Variants in LAMA3 observed in about 807,000 individuals in gnomAD.
LAMA3 encodes laminin subunit alpha 3.
A neutral mutation model predicts 402.0 loss-of-function variants in LAMA3; 281 were observed. The ratio of observed to expected loss-of-function variants is 0.70; its 90% CI spans 0.63 to 0.77. The LOEUF is 0.77. LAMA3 is among the 30% of genes least tolerant of loss of function. The probability of loss-of-function intolerance (pLI) is 0.00; values close to 1 mark genes in which losing one functional copy is unlikely to be tolerated. For missense variants in LAMA3, 3,840 were observed against 4,215.5 expected (o/e 0.91, Z 2.47); for synonymous variants, 1,431 against 1,558.4 (o/e 0.92, Z 1.93).
At chr18:23,697,077 G>A (rs2060698412) in intron 1 of LAMA3, among the ~76,000 whole-genome samples, 1 of 152,178 alleles carries the variant, frequency 6.6e-6, no homozygotes, top group Non-Finnish European at 1.5e-5. Context: ...TGTAAGCAGC[G>A]GTTCTCCATC....
At chr18:23,767,968 T>C (rs1212298077) in intron 8 of LAMA3, among the ~76,000 whole-genome samples, 1 of 152,154 alleles carries the variant, frequency 6.6e-6, no homozygotes, top group Non-Finnish European at 1.5e-5. Flanking sequence ...CCATATATTA[T>C]ACAATAATTA....
At chr18:23,838,648 C>T (rs997205963) in intron 25 of LAMA3, 133 bp from the exon 26 acceptor site, 1 of 696,260 alleles carries the variant, frequency 1.4e-6, no homozygotes, top group African/African-American at 1.8e-5. Flanking sequence ...ATATTTACTA[C>T]TTTAAAATAA....
At chr18:23,766,966 A>G (rs1305748682) in intron 8 of LAMA3, among the ~76,000 whole-genome samples, 1 of 152,232 alleles carries the variant, frequency 6.6e-6, no homozygotes, top group African/African-American at 2.4e-5. Flanking sequence ...CTATACTTAG[A>G]AAACCTAAGG....
chr18:23,811,625 G>A, intron 13 of LAMA3, among the ~76,000 whole-genome samples: 2 of 152,278 alleles, frequency 1.3e-5, no homozygotes, highest in South Asian at 4.1e-4. Flanking sequence ...AGATGGCAAT[G>A]TTTGTGTCCT....
intron 62 of LAMA3, among the ~76,000 whole-genome samples, chr18:23,927,293 C>T (rs189644031): frequency 3.0e-4 from 45 of 152,258 alleles, no homozygotes; most frequent in Admixed American, 1.8e-3. Context: ...CCTCAGCTCC[C>T]GGGTAGCTGG....
intron 12 of LAMA3, among the ~76,000 whole-genome samples, chr18:23,808,846 G>A (rs377119495): frequency 2.6e-5 from 4 of 152,176 alleles, no homozygotes; most frequent in East Asian, 1.9e-4. Context: ...GGCCCCATGC[G>A]CCAAGGCTTA....
chr18:23,761,803 T>C (rs1042055000), intron 7 of LAMA3, among the ~76,000 whole-genome samples: 3 of 152,260 alleles, frequency 2.0e-5, no homozygotes, highest in African/African-American at 7.2e-5. Flanking sequence ...CAAAAGTTTT[T>C]GAATTAATAC....
chr18:23,953,790 A>G (rs1184630728), intron 74 of LAMA3, among the ~76,000 whole-genome samples: 1 of 152,170 alleles, frequency 6.6e-6, no homozygotes, highest in South Asian at 2.1e-4. Context: ...GCTTTTGGGG[A>G]CCGGACTGGG....
intron 29 of LAMA3, 52 bp from the exon 30 acceptor site, chr18:23,844,957 A>C (rs1035251518): frequency 2.0e-6 from 2 of 999,678 alleles, no homozygotes; most frequent in Non-Finnish European, 3.2e-6. Flanking sequence ...AAGTAGCCTT[A>C]GGTCTGTGTC....
At chr18:23,891,774 T>C (rs2080675104) in intron 42 of LAMA3, among the ~76,000 whole-genome samples, 1 of 152,210 alleles carries the variant, frequency 6.6e-6, no homozygotes. Flanking sequence ...GGTTAGAGTG[T>C]GGTGTGGCCC....
chr18:23,797,351 G>A (rs1201520566), intron 12 of LAMA3, among the ~76,000 whole-genome samples: 1 of 152,078 alleles, frequency 6.6e-6, no homozygotes, highest in South Asian at 2.1e-4. Context: ...CCACAATGGT[G>A]TATCAGCTGA....
Position 23,916,645 on chromosome 18 carries a change from A to G in LAMA3, c.7873A>G (p.Thr2625Ala). The change falls in exon 60 of 75, where the codon ACA becomes GCA. Residue 2625 changes from threonine to alanine, a missense_variant. By Grantham distance (58) the Thr-to-Ala change is moderately conservative (BLOSUM62 0). Coordinates refer to ENST00000313654, the MANE Select transcript of LAMA3 (RefSeq NM_198129.4). ...TGCTCCCATCCCAACCTTTGGACAG[A>G]CAATTCAGACCACCGTGGATAGAGG... is the stretch of plus-strand genomic sequence containing the variant. Reference protein sequence around the residue: ...PHAPIPTFGQTIQTTVDRGLL... With the variant: ...PHAPIPTFGQAIQTTVDRGLL... 5 of 1,614,178 alleles carry G rather than the reference A, an allele frequency of 3.1e-6. No homozygotes were observed. Among genetic ancestry groups the G allele is most frequent in the Non-Finnish European group, 4.2e-6 (5 of 1,180,022 alleles).
chr18:23,858,948 C>A, intron 34 of LAMA3, 119 bp downstream of exon 34: 1 of 1,051,046 alleles, frequency 9.5e-7, no homozygotes, highest in Non-Finnish European at 1.5e-6. Flanking sequence ...CTGAATTCGT[C>A]AGTTGTTTGC....
chr18:23,803,868 C>T (rs905570806), intron 12 of LAMA3, among the ~76,000 whole-genome samples: 3 of 152,210 alleles, frequency 2.0e-5, no homozygotes, highest in African/African-American at 7.2e-5. Flanking sequence ...ACAAGGAACT[C>T]ACCATAATGC....
At chr18:23,916,960 T>A (rs2081650170) in intron 60 of LAMA3, among the ~76,000 whole-genome samples, 1 of 151,300 alleles carries the variant, frequency 6.6e-6, no homozygotes, top group Admixed American at 6.6e-5. Flanking sequence ...GTGCACAGAT[T>A]ATTTTATCAC....
chr18:23,713,983 A>G lies in LAMA3; in HGVS notation c.358A>G (p.Ile120Val). Residue 120 changes from isoleucine to valine, a missense_variant, in exon 2 of 75, where the codon ATC (isoleucine) becomes GTC (valine). Physicochemically the swap from Ile to Val is conservative, Grantham distance 29. Around this residue, in one of 3 missense-constraint regions of LAMA3, gnomAD observed 2,109 missense variants for 2,376.0 expected, o/e 0.89. Transcript: ENST00000313654. ...PRKAHPVTNA[I>V]DGSERWWQSP... The stretch of plus-strand genomic sequence containing the variant: ...GAAAGCACATCCTGTCACCAATGCC[A>G]TCGATGGATCTGAACGTTGGTGGCA... The G allele has an allele frequency of 6.2e-7, 1 of 1,613,804 alleles. No homozygotes were observed. Among genetic ancestry groups the G allele is most frequent in the Non-Finnish European group, 8.5e-7 (1 of 1,179,916 alleles).
chr18:23,809,885 T>C (rs2063034130), intron 12 of LAMA3, among the ~76,000 whole-genome samples: 1 of 152,032 alleles, frequency 6.6e-6, no homozygotes, highest in Admixed American at 6.5e-5. Context: ...GCACTTGATA[T>C]GGAATATCAA....
In LAMA3 at chr18:23,813,080, G is replaced by T; in HGVS notation, c.1765G>T (p.Ala589Ser). Residue 589 changes from alanine (A) to serine (S), a missense_variant, in exon 14 of 75, where the codon GCT becomes TCT. By Grantham distance (99) the Ala-to-Ser change is moderately conservative (BLOSUM62 1). Transcript: ENST00000313654. ...AGGTTCCAGCAGTGCTTGTGACCCA[G>T]CTGGTACCATCAACTCCAATTTGGT... ...CQGSSSACDP[A>S]GTINSNLGYC... 2 of 1,610,362 alleles carry T rather than the reference G, an allele frequency of 1.2e-6. No individual in the cohort carries two copies. The highest frequency in any genetic ancestry group is 1.1e-5 in the South Asian group (1 of 91,000).
intron 23 of LAMA3, 107 bp from the exon 24 acceptor site, chr18:23,833,721 A>G: frequency 8.0e-7 from 1 of 1,248,722 alleles, no homozygotes; most frequent in Non-Finnish European, 1.2e-6. Context: ...ACATATAAAA[A>G]TACTTCCAGG....
Sources: gnomAD v4.1 joint callset for allele counts (sites outside exome capture counted in the v4.1 genomes callset) on GRCh38, gnomAD v4.1.1 for gene constraint, gnomAD v4.1.1 regional missense constraint, MANE v1.5 for transcripts, NCBI Gene and HGNC (gene_info 2026-07-23, HGNC 2026-07-21) for gene names.